ANTXR2: variants seen among roughly 807,000 people sequenced by gnomAD.
The protein encoded by ANTXR2 is anthrax toxin receptor 2.
ANTXR2 carries 44 observed loss-of-function variants against 73.7 expected under a neutral mutation model. The ratio of observed to expected loss-of-function variants is 0.60; its 90% CI spans 0.47 to 0.77. The LOEUF (loss-of-function observed/expected upper bound fraction) is 0.77. Among genes scored for constraint, ANTXR2 ranks in the 30% least tolerant of loss-of-function variants. The pLI, the probability that ANTXR2 is intolerant of heterozygous loss-of-function variation, is 0.00. For synonymous variants in ANTXR2, 217 were observed against 205.9 expected, an observed-to-expected ratio of 1.05 and a Z score of -0.46; for missense variants, 604 against 592.5, an observed-to-expected ratio of 1.02 and a Z score of -0.20.
At chr4:79,919,911 AT>A (rs1553925484) in intron 16 of ANTXR2, among the ~76,000 whole-genome samples, 54 of 18,592 alleles carry the variant, frequency 2.9e-3, no homozygotes, top group Non-Finnish European at 4.1e-3. Flanking sequence ...ATATATATAT[AT>A]ATATATATAA....
intron 12 of ANTXR2, among the ~76,000 whole-genome samples, chr4:79,987,187 C>T (rs909484695): frequency 1.3e-5 from 2 of 151,254 alleles, no homozygotes; most frequent in East Asian, 3.9e-4. Context: ...GCGGAGAAGC[C>T]CAGTGAGATA....
intron 16 of ANTXR2, among the ~76,000 whole-genome samples, chr4:79,937,802 C>A (rs1385462784): frequency 1.3e-5 from 2 of 150,652 alleles, no homozygotes; most frequent in African/African-American, 4.9e-5. Flanking sequence ...TTCTGCATTT[C>A]CATCTGAGGT....
chr4:80,037,811 A>G (rs1733048470), intron 7 of ANTXR2, among the ~76,000 whole-genome samples: 1 of 152,160 alleles, frequency 6.6e-6, no homozygotes, highest in Non-Finnish European at 1.5e-5. Context: ...AAAGGTTCCA[A>G]CTAACAAAAA....
chr4:79,908,620 A>T (rs941385495), intron 16 of ANTXR2, among the ~76,000 whole-genome samples: 6 of 152,206 alleles, frequency 3.9e-5, no homozygotes, highest in African/African-American at 1.4e-4. Context: ...TCTGTCTTTT[A>T]AATACTTTTG....
chr4:79,977,898 T>G, intron 15 of ANTXR2, 109 bp downstream of exon 15: 1 of 1,325,494 alleles, frequency 7.5e-7, no homozygotes, highest in Non-Finnish European at 1.0e-6. Flanking sequence ...ACAATGAATA[T>G]CTGCAATTTC....
intron 8 of ANTXR2, among the ~76,000 whole-genome samples, chr4:80,034,534 A>T (rs1180810590): frequency 6.6e-6 from 1 of 152,154 alleles, no homozygotes; most frequent in Non-Finnish European, 1.5e-5. Context: ...ATAGTTACAC[A>T]GTTGCCTTGT....
intron 16 of ANTXR2, among the ~76,000 whole-genome samples, chr4:79,934,695 T>C (rs1235202865): frequency 6.6e-6 from 1 of 152,158 alleles, no homozygotes; most frequent in Non-Finnish European, 1.5e-5. Flanking sequence ...GCCTGATATA[T>C]GATAAACACT....
Position 79,907,014 on chromosome 4 carries a change from GTGCCATGTTT to G in ANTXR2, c.*405_*414del, listed in dbSNP as rs1726939778. 4.5e-6 allele frequency: 1 copy of G among 220,806 alleles called. No homozygotes were observed. Among genetic ancestry groups the G allele is most frequent in the African/African-American group, 2.4e-5 (1 of 42,144 alleles). 13.7% of individuals were successfully genotyped at this position (220,806 alleles called of 1,614,324 possible). Reference sequence around the variant, plus strand: ...AAGATCTTGCCACATAAAAACACAAGTGCCATGTTTCCATGTAAAAAACTCCTGTCTCCCA... The same window carrying G: ...AAGATCTTGCCACATAAAAACACAAGCCATGTAAAAAACTCCTGTCTCCCA... On this transcript the variant is annotated 3_prime_UTR_variant, in exon 17 of 17. Coordinates refer to ENST00000403729, the MANE Select transcript of ANTXR2 (RefSeq NM_058172.6).
intron 10 of ANTXR2, among the ~76,000 whole-genome samples, chr4:80,030,206 G>A (rs1732624119): frequency 6.6e-6 from 1 of 151,982 alleles, no homozygotes; most frequent in Non-Finnish European, 1.5e-5. Flanking sequence ...GTCTAAGAGA[G>A]AGAAAGAAAT....
At chr4:80,036,674 G>A (rs1417450896) in intron 7 of ANTXR2, among the ~76,000 whole-genome samples, 8 of 151,962 alleles carry the variant, frequency 5.3e-5, no homozygotes, top group African/African-American at 9.7e-5. Flanking sequence ...GGTGGCTCGC[G>A]CCTGTAATCC....
At chr4:80,033,622 A>G in intron 8 of ANTXR2, 52 bp from the exon 9 acceptor site, 1 of 1,347,868 alleles carries the variant, frequency 7.4e-7, no homozygotes, top group Non-Finnish European at 1.0e-6. Context: ...CCAAAAAAAT[A>G]AAAAACACAA....
At chr4:79,982,988 A>G (rs967146435) in intron 14 of ANTXR2, among the ~76,000 whole-genome samples, 2 of 152,140 alleles carry the variant, frequency 1.3e-5, no homozygotes, top group African/African-American at 4.8e-5. Context: ...GAAAATTGCA[A>G]TAATTGTGGG....
At chr4:79,937,469 T>C (rs1335743841) in intron 16 of ANTXR2, among the ~76,000 whole-genome samples, 4 of 152,220 alleles carry the variant, frequency 2.6e-5, no homozygotes, top group African/African-American at 9.6e-5. Context: ...AAGTGACTTT[T>C]TGTGCCACTT....
At chr4:80,006,567 G>T (rs1275289974) in intron 12 of ANTXR2, among the ~76,000 whole-genome samples, 2 of 152,030 alleles carry the variant, frequency 1.3e-5, no homozygotes, top group Admixed American at 1.3e-4. Flanking sequence ...CTGAGGACGG[G>T]AAGCCTTTCT....
In ANTXR2 at chr4:80,072,480, G is replaced by C; in HGVS notation, c.81C>G (p.Pro27=). 1 of 1,610,074 alleles carries C rather than the reference G, an allele frequency of 6.2e-7. No individual in the cohort carries two copies. The highest frequency in any genetic ancestry group is 1.7e-4 in the Middle Eastern group (1 of 6,028). Reference sequence around the variant, plus strand: ...GCTCCTGGGCGCGCAGCAGCCCCCCGGGACCGCTGAGCACCAACAGCCACA... The same window carrying C: ...GCTCCTGGGCGCGCAGCAGCCCCCCCGGACCGCTGAGCACCAACAGCCACA... ...PGLWLLVLSG[P]GGLLRAQEQP... Residue 27 remains proline, a synonymous_variant, in exon 1 of 17, where the codon CCC becomes CCG. Coordinates refer to ENST00000403729, the MANE Select transcript of ANTXR2 (RefSeq NM_058172.6).
intron 7 of ANTXR2, among the ~76,000 whole-genome samples, chr4:80,044,718 TGG>T (rs1431105729): frequency 2.0e-5 from 3 of 151,812 alleles, no homozygotes; most frequent in Non-Finnish European, 4.4e-5. Context: ...AATTTCTAAG[TGG>T]CAACAGGAAG....
chr4:79,946,901 T>A (rs1325999751), intron 16 of ANTXR2, among the ~76,000 whole-genome samples: 1 of 152,118 alleles, frequency 6.6e-6, no homozygotes, highest in Admixed American at 6.6e-5. Context: ...CCTAAAACCT[T>A]AGGCTCTAGA....
chr4:79,917,294 G>A (rs1351830426), intron 16 of ANTXR2, among the ~76,000 whole-genome samples: 1 of 152,078 alleles, frequency 6.6e-6, no homozygotes, highest in East Asian at 1.9e-4. Context: ...CCCACTGAAG[G>A]TTTGGGACAT....
At chr4:79,986,189 A>T (rs1730153542) in intron 12 of ANTXR2, among the ~76,000 whole-genome samples, 1 of 152,110 alleles carries the variant, frequency 6.6e-6, no homozygotes, top group Non-Finnish European at 1.5e-5. Flanking sequence ...TATTCACACC[A>T]TCGTGATGGA....
Sources: gnomAD v4.1 joint callset for allele counts (sites outside exome capture counted in the v4.1 genomes callset) on GRCh38, gnomAD v4.1.1 for gene constraint, MANE v1.5 for transcripts, NCBI Gene and HGNC (gene_info 2026-07-23, HGNC 2026-07-21) for gene names.